GSE1: variants seen among roughly 807,000 people sequenced by gnomAD.
GSE1 encodes the protein Gse1 coiled-coil protein.
Under a neutral mutation model 112.6 loss-of-function variants are expected in GSE1, and 32 were observed. The observed-to-expected ratio is 0.28, with a 90% CI of 0.21 to 0.38. The LOEUF is 0.38. Among genes scored for constraint, GSE1 ranks in the 10% least tolerant of loss-of-function variants. GSE1 has a pLI of 1.00. For missense variants in GSE1, 2,348 were observed against 1,699.2 expected, an observed-to-expected ratio of 1.38 and a Z score of -6.71; for synonymous variants, 1,115 against 735.6, an observed-to-expected ratio of 1.52 and a Z score of -8.35.
At chr16:85,212,249 T>C (rs1282040999) in intron 1 of GSE1, among the ~76,000 whole-genome samples, 6 of 151,954 alleles carry the variant, frequency 3.9e-5, no homozygotes. Flanking sequence ...CTACTAAAAA[T>C]ACAAAAATTA....
At chr16:85,632,285 G>T (rs1317354147) in intron 1 of GSE1, among the ~76,000 whole-genome samples, 2 of 152,212 alleles carry the variant, frequency 1.3e-5, no homozygotes, top group Non-Finnish European at 2.9e-5. Flanking sequence ...TGTTCCCAAG[G>T]TGTGAGCTCT....
At chr16:85,222,238 G>A (rs1175977515) in intron 1 of GSE1, among the ~76,000 whole-genome samples, 2 of 152,200 alleles carry the variant, frequency 1.3e-5, no homozygotes, top group African/African-American at 4.8e-5. Flanking sequence ...GCCCTGAGCG[G>A]GGCCCACCAG....
chr16:85,221,331 CA>C (rs1376708520), intron 1 of GSE1, among the ~76,000 whole-genome samples: 1,688 of 148,964 alleles, frequency 0.011, 10 homozygotes, highest in Non-Finnish European at 0.016. Flanking sequence ...CACACACACA[CA>C]CACCCCAAGT....
rs1349629733 is a variant in GSE1 at position 85,673,594 on chromosome 16, G to T, written c.*1055G>T. On this transcript the variant is annotated 3_prime_UTR_variant, in exon 16 of 16. Transcript: ENST00000253458. Reference sequence around the variant, plus strand: ...AGAAAAGTAAAAGAGCTTACCACTGGCGCCTATGCGATCACTTCATTTTTA... The same window carrying T: ...AGAAAAGTAAAAGAGCTTACCACTGTCGCCTATGCGATCACTTCATTTTTA... The T allele has an allele frequency of 6.6e-6, 1 of 152,172 alleles. No homozygotes were observed. The highest frequency in any genetic ancestry group is 2.4e-5 in the African/African-American group (1 of 41,416). 9.4% of individuals were successfully genotyped at this position (152,172 alleles called of 1,614,324 possible). A position where few individuals can be genotyped will look rare whatever the true frequency, so the allele number is the denominator to read the frequency against.
At chr16:85,554,894 G>T, upstream of GSE1, 1 of 985,344 alleles carries the variant, frequency 1.0e-6, no homozygotes, top group Non-Finnish European at 1.2e-6. Context: ...AACGGCCCCC[G>T]CTTCGGAGCG....
intron 2 of GSE1, among the ~76,000 whole-genome samples, chr16:85,425,300 C>CACGGGTGATGTGAAGTGGTG (rs1555509856): frequency 3.1e-5 from 1 of 32,634 alleles, no homozygotes; most frequent in Non-Finnish European, 1.5e-4. Context: ...GGAGGGGATG[C>CACGGGTGATGTGAAGTGGTG]ACGGGTGATG....
At chr16:85,243,510 G>A (rs1027981872) in intron 1 of GSE1, among the ~76,000 whole-genome samples, 2 of 152,234 alleles carry the variant, frequency 1.3e-5, no homozygotes, top group African/African-American at 4.8e-5. Flanking sequence ...TGCACGCAGC[G>A]ATCCCAGGAG....
chr16:85,518,330 A>T (rs1486811285), intron 2 of GSE1, among the ~76,000 whole-genome samples: 1 of 151,950 alleles, frequency 6.6e-6, no homozygotes, highest in Non-Finnish European at 1.5e-5. Flanking sequence ...GTGGAAGGAG[A>T]TATGGAATGG....
At chr16:85,400,900 T>C (rs1371459621) in intron 2 of GSE1, among the ~76,000 whole-genome samples, 1 of 152,098 alleles carries the variant, frequency 6.6e-6, no homozygotes, top group East Asian at 1.9e-4. Flanking sequence ...TGTGGGTCTG[T>C]GTGTCTGTGT....
At chr16:85,349,770 G>T (rs775578079) in intron 1 of GSE1, among the ~76,000 whole-genome samples, 1 of 152,174 alleles carries the variant, frequency 6.6e-6, no homozygotes, top group East Asian at 1.9e-4. Flanking sequence ...TGTGTTCCTT[G>T]TCTCATCTTC....
chr16:85,554,989 G>A (rs910156393), upstream of GSE1: 1 of 985,318 alleles, frequency 1.0e-6, no homozygotes, highest in African/African-American at 1.7e-5. Flanking sequence ...CTCCCCGTCC[G>A]CATGGATCTG....
At chr16:85,336,963 T>C (rs2046502202) in intron 1 of GSE1, among the ~76,000 whole-genome samples, 1 of 151,476 alleles carries the variant, frequency 6.6e-6, no homozygotes, top group African/African-American at 2.4e-5. Context: ...TGTATACACA[T>C]AGGCACACAT....
At chr16:85,180,824 C>T (rs1247238799) in intron 1 of GSE1, among the ~76,000 whole-genome samples, 3 of 152,070 alleles carry the variant, frequency 2.0e-5, no homozygotes, top group African/African-American at 7.2e-5. Context: ...AAGGGGTATC[C>T]GATGAGTTCT....
chr16:85,674,890 T>G lies in GSE1; in HGVS notation c.*2351T>G, dbSNP rs1403152143. The G allele has an allele frequency of 6.6e-6, 1 of 152,612 alleles. No homozygotes were observed. Among genetic ancestry groups the G allele is most frequent in the Non-Finnish European group, 1.5e-5 (1 of 68,040 alleles). The allele number at this position is 152,612 out of a possible 1,614,324, so 9.5% of individuals were successfully genotyped here. On this transcript the variant is annotated 3_prime_UTR_variant, in exon 16 of 16. Transcript: ENST00000253458. The stretch of plus-strand genomic sequence containing the variant: ...CTGTCTCCCCATCCTTCCACCTACT[T>G]GTGGCGATCTGAGTACTCTACTCTT...
Position 85,560,165 on chromosome 16 carries a change from CT to C in GSE1, c.37+3803del. Reference sequence around the variant, plus strand: ...TTTTTTTTTTTATGTGAGACGGAGTCTCTCTCTCTTGCCAGGCTCGAGTGCA... The same window carrying C: ...TTTTTTTTTTTATGTGAGACGGAGTCCTCTCTCTTGCCAGGCTCGAGTGCA... On this transcript the variant is annotated intron_variant, in intron 1 of 2. Transcript: ENST00000635906. 2.7e-5 allele frequency among the ~76,000 whole-genome samples: 3 copies of C among 112,462 alleles called. No homozygotes were observed. The Admixed American group carries it at 4.0e-4, about 15-fold the overall frequency. The allele number at this position is 112,462 out of a possible 152,430, so 73.8% of individuals were successfully genotyped here.
chr16:85,379,892 C>T (rs2047508194), intron 2 of GSE1, among the ~76,000 whole-genome samples: 1 of 152,202 alleles, frequency 6.6e-6, no homozygotes, highest in South Asian at 2.1e-4. Context: ...AAGACGTAGC[C>T]ATTAGCTGGC....
chr16:85,524,553 G>A (rs1426400824), intron 2 of GSE1, among the ~76,000 whole-genome samples: 1 of 152,166 alleles, frequency 6.6e-6, no homozygotes, highest in East Asian at 1.9e-4. Context: ...GTGTGGGAGG[G>A]TGAGGGTGGG....
chr16:85,668,375 G>C lies in GSE1; in HGVS notation c.3366G>C (p.Lys1122Asn). The C allele has an allele frequency of 6.2e-7, 1 of 1,613,268 alleles. No homozygotes were observed. Among genetic ancestry groups the C allele is most frequent in the East Asian group, 2.2e-5 (1 of 44,874 alleles). The change falls in exon 14 of 16, where the codon AAG (lysine) becomes AAC (asparagine). Residue 1122 changes from lysine to asparagine, a missense_variant. Coordinates refer to ENST00000253458, the MANE Select transcript of GSE1 (RefSeq NM_014615.5). Reference sequence around the variant, plus strand: ...ATGAGGAGGAAGTCCCCAAGCGCAAGTGGCAAGGGATCGAGGCCGTTTTTG... The same window carrying C: ...ATGAGGAGGAAGTCCCCAAGCGCAACTGGCAAGGGATCGAGGCCGTTTTTG... Reference protein sequence around the residue: ...GEDEEEVPKRKWQGIEAVFEA... With the variant: ...GEDEEEVPKRNWQGIEAVFEA...
At chr16:85,494,754 A>C (rs532481915) in intron 2 of GSE1, among the ~76,000 whole-genome samples, 2 of 152,148 alleles carry the variant, frequency 1.3e-5, no homozygotes, top group Admixed American at 1.3e-4. Flanking sequence ...TTTGGGGGGA[A>C]CTCTATTAAA....
Sources: gnomAD v4.1 joint callset for allele counts (sites outside exome capture counted in the v4.1 genomes callset) on GRCh38, gnomAD v4.1.1 for gene constraint, MANE v1.5 for transcripts, NCBI Gene and HGNC (gene_info 2026-07-23, HGNC 2026-07-21) for gene names.